TBC1D5: variants seen among roughly 807,000 people sequenced by gnomAD.
The protein encoded by TBC1D5 is TBC1 domain family member 5, also known as TBC1 domain family, member 5.
In TBC1D5, 75 loss-of-function variants were observed where a neutral mutation model predicts 100.3. The observed-to-expected ratio is 0.75, with a 90% CI of 0.62 to 0.91. The LOEUF is 0.91. Ranked by LOEUF, TBC1D5 falls within the 40% of genes least tolerant of loss-of-function variation. The pLI, the probability that TBC1D5 is intolerant of heterozygous loss-of-function variation, is 0.00. For missense variants in TBC1D5, 910 were observed against 942.4 expected (o/e 0.97, Z 0.45); for synonymous variants, 323 against 325.6 (o/e 0.99, Z 0.09).
intron 18 of TBC1D5, among the ~76,000 whole-genome samples, chr3:17,195,515 G>C (rs1046233063): frequency 6.6e-6 from 1 of 152,192 alleles, no homozygotes; most frequent in Non-Finnish European, 1.5e-5. Context: ...CAGATAGAAG[G>C]GCCTGAGCCA....
At chr3:17,679,654 T>A (rs554948377) in intron 1 of TBC1D5, among the ~76,000 whole-genome samples, 1 of 151,684 alleles carries the variant, frequency 6.6e-6, no homozygotes, top group South Asian at 2.1e-4. Flanking sequence ...GTGGAAAGAA[T>A]ATGTGAAGTA....
intron 3 of TBC1D5, among the ~76,000 whole-genome samples, chr3:17,455,718 T>C (rs551145192): frequency 6.6e-6 from 1 of 152,056 alleles, no homozygotes; most frequent in African/African-American, 2.4e-5. Flanking sequence ...TGCACACTTG[T>C]AGTCCAGTTA....
chr3:17,540,100 T>A lies in TBC1D5; in HGVS notation c.-35-31495A>T, dbSNP rs189341215. 3.3e-5 allele frequency among the ~76,000 whole-genome samples: 5 copies of A among 152,378 alleles called. No individual in the cohort carries two copies. The East Asian group carries it at 9.6e-4, about 29-fold the overall frequency. On this transcript the variant is annotated intron_variant, in intron 2 of 21. Transcript: ENST00000253692. ...GGATTTTCCTAAATATCAGTGATGCTGAGCATCTTGTGGTGTACCAATTGC... is the reference window on the plus strand; with the variant it reads ...GGATTTTCCTAAATATCAGTGATGCAGAGCATCTTGTGGTGTACCAATTGC...
intron 3 of TBC1D5, among the ~76,000 whole-genome samples, chr3:17,505,634 T>C (rs1363918050): frequency 6.6e-6 from 1 of 152,216 alleles, no homozygotes; most frequent in Non-Finnish European, 1.5e-5. Flanking sequence ...AGGTTTGCTA[T>C]ACCTGAATTT....
chr3:17,636,509 A>G lies in TBC1D5; in HGVS notation c.-100-12596T>C, dbSNP rs183458845. 3.5e-3 allele frequency among the ~76,000 whole-genome samples: 529 copies of G among 152,162 alleles called. 4 individuals are homozygous for G. Among genetic ancestry groups the G allele is most frequent in the African/African-American group, 0.012 (501 of 41,506 alleles). ...AAAGCTATAATAATTAAAAGAATAT[A>G]GGCTGGGCACAGTGGCTCACGCCTG... On this transcript the variant is annotated intron_variant, in intron 1 of 21. Coordinates refer to ENST00000253692, the Ensembl canonical transcript of TBC1D5.
chr3:17,455,223 T>TATTGTATACA (rs1388473522), intron 3 of TBC1D5, among the ~76,000 whole-genome samples: 2 of 144,352 alleles, frequency 1.4e-5, no homozygotes, highest in Non-Finnish European at 3.0e-5. Flanking sequence ...TACATATATA[T>TATTGTATACA]TATATATTGT....
chr3:17,287,417 G>C (rs1353525710), intron 15 of TBC1D5, among the ~76,000 whole-genome samples: 1 of 152,196 alleles, frequency 6.6e-6, no homozygotes, highest in Non-Finnish European at 1.5e-5. Context: ...TGTCCTATCT[G>C]AACCTGAAAA....
intron 3 of TBC1D5, among the ~76,000 whole-genome samples, chr3:17,435,810 G>T (rs2094524893): frequency 1.3e-5 from 2 of 152,238 alleles, no homozygotes; most frequent in Non-Finnish European, 2.9e-5. Flanking sequence ...AAGCATCCAT[G>T]TGTATTGGAG....
chr3:17,507,712 C>A (rs918507741), intron 3 of TBC1D5, among the ~76,000 whole-genome samples: 7 of 152,160 alleles, frequency 4.6e-5, no homozygotes, highest in Non-Finnish European at 8.8e-5. Flanking sequence ...TTGATACCTG[C>A]ATTCCACAAG....
chr3:17,409,426 A>G lies in TBC1D5; in HGVS notation c.168-2900T>C, dbSNP rs150194864. Among the ~76,000 whole-genome samples, 765 of 152,214 alleles carry G rather than the reference A, an allele frequency of 5.0e-3. 3 individuals are homozygous for G. The highest frequency in any genetic ancestry group is 0.017 in the African/African-American group (720 of 41,548). On this transcript the variant is annotated intron_variant, in intron 4 of 21. Transcript: ENST00000253692. ...TTGGACCTCCCTAATTAATAATGCT[A>G]CAATGGCCTCGTACTGTTCGAGTGA...
intron 15 of TBC1D5, among the ~76,000 whole-genome samples, chr3:17,285,354 G>A (rs1478615626): frequency 6.8e-6 from 1 of 146,180 alleles, no homozygotes; most frequent in African/African-American, 2.6e-5. Flanking sequence ...TCCGCCTCCC[G>A]GGTTCACGGC....
intron 7 of TBC1D5, among the ~76,000 whole-genome samples, chr3:17,403,719 A>C (rs1413264822): frequency 1.3e-5 from 2 of 152,152 alleles, no homozygotes; most frequent in Non-Finnish European, 1.5e-5. Context: ...TTTATATAAG[A>C]AACTTCATCA....
intron 1 of TBC1D5, among the ~76,000 whole-genome samples, chr3:17,625,171 T>C (rs1357306040): frequency 1.3e-5 from 2 of 151,998 alleles, no homozygotes; most frequent in Non-Finnish European, 2.9e-5. Flanking sequence ...TCCACCTATA[T>C]CCATCAAAAT....
At chr3:17,416,668 T>A (rs897412939) in intron 4 of TBC1D5, among the ~76,000 whole-genome samples, 2 of 152,230 alleles carry the variant, frequency 1.3e-5, no homozygotes, top group Non-Finnish European at 2.9e-5. Context: ...CTATTAGATA[T>A]GGATATAATC....
chr3:17,286,710 T>C (rs983600502), intron 15 of TBC1D5, among the ~76,000 whole-genome samples: 1 of 152,204 alleles, frequency 6.6e-6, no homozygotes, highest in Non-Finnish European at 1.5e-5. Flanking sequence ...GTTTCATTTA[T>C]TACAGATGAA....
At chr3:17,295,000 G>A (rs1312700991) in intron 14 of TBC1D5, among the ~76,000 whole-genome samples, 3 of 152,042 alleles carry the variant, frequency 2.0e-5, no homozygotes, top group Non-Finnish European at 4.4e-5. Flanking sequence ...CTGTAATAGT[G>A]TTCTTTTCCC....
At position 17,623,915 on chromosome 3, in the gene TBC1D5, T is replaced by G. The variant is rs2062864759; in HGVS notation, c.-100-2A>C. 6.6e-6 allele frequency: 1 copy of G among 151,324 alleles called. No homozygotes were observed. Among genetic ancestry groups the G allele is most frequent in the Non-Finnish European group, 1.5e-5 (1 of 67,914 alleles). The allele number at this position is 151,324 out of a possible 1,614,324, so 9.4% of individuals were successfully genotyped here. On this transcript the variant is annotated splice_acceptor_variant, in intron 1 of 21. Transcript: ENST00000253692. LOFTEE classifies it low-confidence loss of function (5UTR_SPLICE). Reference sequence around the variant, plus strand: ...ACTTTTATCTTGATACTGATATCACTGAAATAAAGAAAAAAAAAAGGATCT... The same window carrying G: ...ACTTTTATCTTGATACTGATATCACGGAAATAAAGAAAAAAAAAAGGATCT...
At chr3:17,360,701 C>A (rs895853573) in intron 13 of TBC1D5, among the ~76,000 whole-genome samples, 5 of 151,656 alleles carry the variant, frequency 3.3e-5, no homozygotes, top group African/African-American at 1.2e-4. Context: ...CTAATAAATA[C>A]AAATTTAAAA....
intron 3 of TBC1D5, among the ~76,000 whole-genome samples, chr3:17,467,506 A>T (rs1385361374): frequency 1.3e-5 from 2 of 152,000 alleles, no homozygotes; most frequent in Non-Finnish European, 2.9e-5. Flanking sequence ...CCAAAGACAC[A>T]GACAAAAAAA....
Sources: allele counts gnomAD v4.1 joint callset (sites outside exome capture counted in the v4.1 genomes callset), GRCh38; gene constraint gnomAD v4.1.1; transcripts MANE v1.5; gene names NCBI Gene and HGNC (gene_info 2026-07-23, HGNC 2026-07-21).